The following FGF14 variants were observed in gnomAD, a reference collection of about 807,000 sequenced individuals.
FGF14 encodes fibroblast growth factor 14.
A neutral mutation model predicts 25.5 loss-of-function variants in FGF14; 5 were observed. That is an observed-to-expected ratio of 0.20 (90% CI 0.10 to 0.41). FGF14 has a LOEUF of 0.41. FGF14 is among the 10% of genes least tolerant of loss of function. FGF14 has a pLI of 1.00. For missense variants in FGF14, 222 were observed against 320.1 expected, an observed-to-expected ratio of 0.69 and a Z score of 2.34; for synonymous variants, 138 against 118.3, an observed-to-expected ratio of 1.17 and a Z score of -1.08.
At chr13:102,102,221 G>C (rs901605151) in intron 1 of FGF14, among the ~76,000 whole-genome samples, 1 of 152,172 alleles carries the variant, frequency 6.6e-6, no homozygotes, top group Non-Finnish European at 1.5e-5. Context: ...CCCAGTAGTA[G>C]CAAGAACAAG....
intron 1 of FGF14, among the ~76,000 whole-genome samples, chr13:102,173,689 G>C (rs2048332757): frequency 6.6e-6 from 1 of 152,126 alleles, no homozygotes; most frequent in Non-Finnish European, 1.5e-5. Flanking sequence ...TAGTTAGGTT[G>C]GAAGACATTA....
intron 1 of FGF14, among the ~76,000 whole-genome samples, chr13:101,943,826 A>AATATATATATATATATATATATAT (rs1206422692): frequency 7.9e-6 from 1 of 126,806 alleles, no homozygotes; most frequent in African/African-American, 3.4e-5. Flanking sequence ...AAAAAAAAAA[A>AATATATATATATATATATATATAT]ATATATATAT....
intron 1 of FGF14, among the ~76,000 whole-genome samples, chr13:102,100,994 G>A (rs1209001494): frequency 2.0e-5 from 3 of 152,112 alleles, no homozygotes; most frequent in Non-Finnish European, 2.9e-5. Flanking sequence ...AGTTACTTGG[G>A]AGGCTGAGGC....
intron 1 of FGF14, among the ~76,000 whole-genome samples, chr13:102,348,241 G>A (rs2057171061): frequency 6.6e-6 from 1 of 152,186 alleles, no homozygotes; most frequent in African/African-American, 2.4e-5. Context: ...CATATAAAAT[G>A]TTAAGAACTC....
intron 3 of FGF14, among the ~76,000 whole-genome samples, chr13:101,806,810 A>G (rs2041232058): frequency 6.6e-6 from 1 of 152,160 alleles, no homozygotes; most frequent in Admixed American, 6.5e-5. Context: ...AACTTGAAAT[A>G]AAAGGGACCT....
At chr13:102,384,117 A>T (rs1196716654) in intron 1 of FGF14, among the ~76,000 whole-genome samples, 2 of 152,120 alleles carry the variant, frequency 1.3e-5, no homozygotes, top group Non-Finnish European at 2.9e-5. Flanking sequence ...TTTTTCTAGT[A>T]GCATTTCTGT....
chr13:102,289,375 A>G (rs2054265940), intron 1 of FGF14, among the ~76,000 whole-genome samples: 1 of 152,212 alleles, frequency 6.6e-6, no homozygotes. Context: ...AAACCCATTG[A>G]AACTCTTTTG....
At chr13:102,077,116 A>C (rs2140176952) in intron 1 of FGF14, among the ~76,000 whole-genome samples, 1 of 152,334 alleles carries the variant, frequency 6.6e-6, no homozygotes, top group African/African-American at 2.4e-5. Context: ...CATGCCATAT[A>C]CAAAAATTGG....
At chr13:101,994,768 T>C (rs16959545) in intron 1 of FGF14, among the ~76,000 whole-genome samples, 5,437 of 152,194 alleles carry the variant, frequency 0.036, 324 homozygotes, top group African/African-American at 0.12. Flanking sequence ...TATTTCATGC[T>C]ATCCCTTATT....
chr13:101,943,820 A>T lies in FGF14; in HGVS notation c.209-68524T>A, dbSNP rs1346531075. ...GAATCCCTGTCTCTACTTAAAAAAAAAAAAAAATATATATATATATATATT... is the reference window on the plus strand; with the variant it reads ...GAATCCCTGTCTCTACTTAAAAAAATAAAAAAATATATATATATATATATT... On this transcript the variant is annotated intron_variant, in intron 1 of 4. Coordinates refer to the FGF14 transcript ENST00000376131. Among the ~76,000 whole-genome samples the T allele has an allele frequency of 1.0e-3, 123 of 121,162 alleles. 3 individuals carry two copies. In the East Asian group the frequency reaches 0.015, roughly 15 times the overall value. 79.5% of individuals were successfully genotyped at this position (121,162 alleles called of 152,430 possible).
intron 3 of FGF14, among the ~76,000 whole-genome samples, chr13:101,794,943 T>C (rs775734249): frequency 6.6e-6 from 1 of 152,182 alleles, no homozygotes. Context: ...TTTAGAACTA[T>C]ATTTCTATTA....
chr13:102,396,612 A>T (rs2058590653), intron 1 of FGF14, among the ~76,000 whole-genome samples: 1 of 152,232 alleles, frequency 6.6e-6, no homozygotes, highest in East Asian at 1.9e-4. Context: ...CGTGAAGTAT[A>T]GTATAGAATT....
At chr13:102,039,413 G>T (rs1228378778) in intron 1 of FGF14, among the ~76,000 whole-genome samples, 1 of 152,140 alleles carries the variant, frequency 6.6e-6, no homozygotes, top group African/African-American at 2.4e-5. Flanking sequence ...GGCATTCATT[G>T]TTTCATAGTT....
intron 1 of FGF14, among the ~76,000 whole-genome samples, chr13:102,187,812 T>A (rs1052425422): frequency 6.6e-6 from 1 of 152,146 alleles, no homozygotes; most frequent in South Asian, 2.1e-4. Flanking sequence ...ACTAGGCCCT[T>A]TTCCGCTATC....
At chr13:102,206,490 A>G (rs9518653) in intron 1 of FGF14, among the ~76,000 whole-genome samples, 59,567 of 151,894 alleles carry the variant, frequency 0.39, 13,302 homozygotes, top group African/African-American at 0.62. Flanking sequence ...AGACCAGCCT[A>G]GCCAACATGA....
intron 1 of FGF14, among the ~76,000 whole-genome samples, chr13:102,282,397 C>A (rs2053890009): frequency 6.6e-6 from 1 of 152,092 alleles, no homozygotes; most frequent in South Asian, 2.1e-4. Flanking sequence ...GGAATCTGAG[C>A]CACTTCTTAT....
chr13:102,204,070 C>T (rs1413005696), intron 1 of FGF14, among the ~76,000 whole-genome samples: 5 of 152,170 alleles, frequency 3.3e-5, no homozygotes, highest in Non-Finnish European at 7.3e-5. Flanking sequence ...TTTCAGTTAC[C>T]ACAGTGGAAA....
chr13:101,871,497 A>G (rs975275628), intron 2 of FGF14, among the ~76,000 whole-genome samples: 1 of 152,076 alleles, frequency 6.6e-6, no homozygotes, highest in Admixed American at 6.6e-5. Context: ...TGATCGAAAT[A>G]TTTTACACAT....
chr13:102,175,910 A>C (rs959032635), intron 1 of FGF14, among the ~76,000 whole-genome samples: 3 of 152,092 alleles, frequency 2.0e-5, no homozygotes, highest in Admixed American at 6.6e-5. Flanking sequence ...TAAAAGGTCA[A>C]AAAATAATAG....
Sources: gnomAD v4.1 joint callset for allele counts (sites outside exome capture counted in the v4.1 genomes callset) on GRCh38, gnomAD v4.1.1 for gene constraint, MANE v1.5 for transcripts, NCBI Gene and HGNC (gene_info 2026-07-23, HGNC 2026-07-21) for gene names.